THSD4: variants seen among roughly 807,000 people sequenced by gnomAD.
The protein encoded by THSD4 is thrombospondin type 1 domain containing 4.
THSD4 carries 69 observed loss-of-function variants against 119.0 expected under a neutral mutation model. The observed-to-expected ratio is 0.58, with a 90% CI of 0.48 to 0.71. The LOEUF (loss-of-function observed/expected upper bound fraction) is 0.71. THSD4 is among the 30% of genes least tolerant of loss of function. The pLI, the probability that THSD4 is intolerant of heterozygous loss-of-function variation, is 0.00. For missense variants in THSD4, 1,393 were observed against 1,391.1 expected (o/e 1.00, Z -0.02); for synonymous variants, 524 against 540.4 (o/e 0.97, Z 0.42).
At chr15:71,273,395 A>T (rs533318208) in intron 6 of THSD4, among the ~76,000 whole-genome samples, 118 of 152,242 alleles carry the variant, frequency 7.8e-4, no homozygotes, top group African/African-American at 2.8e-3. Context: ...GGAGGGAGGG[A>T]GTGGGTGGTG....
At chr15:71,466,260 G>C (rs1297749336) in intron 7 of THSD4, among the ~76,000 whole-genome samples, 1 of 151,734 alleles carries the variant, frequency 6.6e-6, no homozygotes, top group Non-Finnish European at 1.5e-5. Context: ...CAGGAGAATG[G>C]TGTGAACCCA....
chr15:71,253,412 CT>C (rs59312325), intron 5 of THSD4, among the ~76,000 whole-genome samples: 119 of 145,244 alleles, frequency 8.2e-4, no homozygotes, highest in Admixed American at 8.3e-4. Context: ...TACATTGTCA[CT>C]TTTTTTTTTT....
chr15:71,729,948 T>C (rs547725913), intron 9 of THSD4: 12 of 152,208 alleles, frequency 7.9e-5, no homozygotes, highest in African/African-American at 2.9e-4. Context: ...GCAACGCCGA[T>C]GGTTTGATAT....
intron 6 of THSD4, among the ~76,000 whole-genome samples, chr15:71,389,810 GTTTT>G (rs556682631): frequency 3.4e-5 from 3 of 87,994 alleles, no homozygotes; most frequent in South Asian, 4.9e-4. Context: ...TTTCTGGGTT[GTTTT>G]TTTTTTTTTT....
At chr15:71,442,839 G>A (rs950632098) in intron 7 of THSD4, among the ~76,000 whole-genome samples, 2 of 150,464 alleles carry the variant, frequency 1.3e-5, no homozygotes, top group East Asian at 3.9e-4. Context: ...TACCCACATA[G>A]GTCACCTTTG....
chr15:71,286,575 C>T (rs112767601), intron 6 of THSD4, among the ~76,000 whole-genome samples: 2,368 of 152,264 alleles, frequency 0.016, 16 homozygotes, highest in Middle Eastern at 0.024. Flanking sequence ...ATTTGGGTTC[C>T]ATGGCTTTGC....
Position 71,646,437 on chromosome 15 carries a change from G to A in THSD4, c.1153-14093G>A, listed in dbSNP as rs184176434. ...TCATTTTACTTCCATATTTGCTGCCGTTTCACATTTTTAAAAGTATATTCA... is the reference window on the plus strand; with the variant it reads ...TCATTTTACTTCCATATTTGCTGCCATTTCACATTTTTAAAAGTATATTCA... On this transcript the variant is annotated intron_variant, in intron 7 of 17. Coordinates refer to ENST00000261862, the MANE Select transcript of THSD4 (RefSeq NM_024817.3). 2.0e-4 allele frequency among the ~76,000 whole-genome samples: 30 copies of A among 152,122 alleles called. 1 individual carries two copies. The East Asian group carries it at 3.9e-3, about 20-fold the overall frequency.
At chr15:71,502,795 G>A (rs1302037341) in intron 7 of THSD4, among the ~76,000 whole-genome samples, 1 of 152,210 alleles carries the variant, frequency 6.6e-6, no homozygotes, top group African/African-American at 2.4e-5. Flanking sequence ...AATGTCTTAA[G>A]TGAGAGTTGG....
chr15:71,717,599 C>CAAA (rs5813660), intron 8 of THSD4, among the ~76,000 whole-genome samples: 4 of 143,982 alleles, frequency 2.8e-5, no homozygotes, highest in South Asian at 2.3e-4. Context: ...TTTAGCATAG[C>CAAA]AAAAAAAAAA....
intron 6 of THSD4, among the ~76,000 whole-genome samples, chr15:71,303,184 G>T (rs1038436428): frequency 2.0e-5 from 3 of 151,934 alleles, no homozygotes; most frequent in African/African-American, 4.9e-5. Context: ...AGTGATTCTG[G>T]CAGCCAGCAC....
chr15:71,411,610 A>G, intron 6 of THSD4, 77 bp from the exon 7 acceptor site: 1 of 1,458,136 alleles, frequency 6.9e-7, no homozygotes, highest in African/African-American at 1.4e-5. Context: ...ATAGGAAGAA[A>G]AAAGGTGCTG....
At chr15:71,499,411 T>C (rs890323269) in intron 7 of THSD4, among the ~76,000 whole-genome samples, 1 of 152,046 alleles carries the variant, frequency 6.6e-6, no homozygotes. Context: ...CCATGTACTA[T>C]ATTTTCCATA....
chr15:71,489,399 G>T (rs998646394), intron 7 of THSD4, among the ~76,000 whole-genome samples: 1 of 151,960 alleles, frequency 6.6e-6, no homozygotes, highest in Non-Finnish European at 1.5e-5. Flanking sequence ...ATCTTTAAAA[G>T]GTTCTTACCC....
chr15:71,155,303 T>G (rs939238622), intron 3 of THSD4, among the ~76,000 whole-genome samples: 14 of 152,110 alleles, frequency 9.2e-5, no homozygotes, highest in African/African-American at 3.4e-4. Context: ...TGCCATACAC[T>G]TTTAAACAAC....
chr15:71,762,188 G>A (rs1260896534), intron 15 of THSD4, among the ~76,000 whole-genome samples: 1 of 147,678 alleles, frequency 6.8e-6, no homozygotes, highest in African/African-American at 2.7e-5. Context: ...CAGAGATAGA[G>A]ATACACACAC....
chr15:71,233,431 G>A (rs2044076915), intron 4 of THSD4, among the ~76,000 whole-genome samples: 1 of 152,004 alleles, frequency 6.6e-6, no homozygotes, highest in South Asian at 2.1e-4. Flanking sequence ...AATATATTCT[G>A]TATATACTGT....
intron 8 of THSD4, among the ~76,000 whole-genome samples, chr15:71,703,612 C>T (rs1227818320): frequency 1.3e-5 from 2 of 152,082 alleles, no homozygotes; most frequent in African/African-American, 4.8e-5. Flanking sequence ...GGGGACAGGG[C>T]CTCAAGGGCT....
chr15:71,414,274 A>G (rs1259481548), intron 7 of THSD4, among the ~76,000 whole-genome samples: 1 of 152,376 alleles, frequency 6.6e-6, no homozygotes, highest in Non-Finnish European at 1.5e-5. Context: ...ATCACTGCAT[A>G]TACCTACATA....
intron 7 of THSD4, among the ~76,000 whole-genome samples, chr15:71,452,520 CAAAA>C (rs71281967): frequency 3.0e-4 from 24 of 78,942 alleles, no homozygotes; most frequent in Non-Finnish European, 2.3e-4. Context: ...TCCCCTCCAC[CAAAA>C]AAAAAAAAAA....
Sources: allele counts gnomAD v4.1 joint callset (sites outside exome capture counted in the v4.1 genomes callset), GRCh38; gene constraint gnomAD v4.1.1; transcripts MANE v1.5; gene names NCBI Gene and HGNC (gene_info 2026-07-23, HGNC 2026-07-21).